SHROOM3: variants seen among roughly 807,000 people sequenced by gnomAD.
SHROOM3 encodes shroom family member 3, also known as protein Shroom3.
In SHROOM3, 47 loss-of-function variants were observed where a neutral mutation model predicts 138.6. The observed-to-expected ratio is 0.34, with a 90% CI of 0.27 to 0.43. The LOEUF (loss-of-function observed/expected upper bound fraction) is 0.43. Among genes scored for constraint, SHROOM3 ranks in the 20% least tolerant of loss-of-function variants. The pLI is 1.00. For missense variants in SHROOM3, 2,491 were observed against 2,596.5 expected (o/e 0.96, Z 0.88); for synonymous variants, 1,062 against 1,063.3 (o/e 1.00, Z 0.02).
intron 1 of SHROOM3, among the ~76,000 whole-genome samples, chr4:76,554,766 C>T (rs747374144): frequency 3.3e-5 from 5 of 152,042 alleles, no homozygotes; most frequent in Admixed American, 6.6e-5. Context: ...CCCCAGGCCA[C>T]GGACCATTAC....
At chr4:76,547,517 G>T (rs1669922252) in intron 1 of SHROOM3, among the ~76,000 whole-genome samples, 1 of 152,158 alleles carries the variant, frequency 6.6e-6, no homozygotes, top group Admixed American at 6.5e-5. Context: ...ACTGCTATGT[G>T]CTCCATGCTG....
intron 2 of SHROOM3, among the ~76,000 whole-genome samples, chr4:76,652,882 T>C (rs1292908523): frequency 6.6e-6 from 1 of 152,048 alleles, no homozygotes; most frequent in African/African-American, 2.4e-5. Flanking sequence ...GGTGAGCTAA[T>C]ATATGTTTAC....
intron 2 of SHROOM3, among the ~76,000 whole-genome samples, chr4:76,629,710 G>C (rs904919145): frequency 2.6e-5 from 4 of 152,194 alleles, no homozygotes; most frequent in Non-Finnish European, 4.4e-5. Context: ...TGTGGGGTGA[G>C]AGAAAGAGAG....
At chr4:76,765,373 C>T (rs1300882294) in intron 9 of SHROOM3, among the ~76,000 whole-genome samples, 4 of 151,390 alleles carry the variant, frequency 2.6e-5, no homozygotes, top group Non-Finnish European at 5.9e-5. Context: ...AAAAAATTAG[C>T]CAAGTGTGGT....
chr4:76,571,767 A>G (rs1277480543), intron 2 of SHROOM3, among the ~76,000 whole-genome samples: 1 of 152,208 alleles, frequency 6.6e-6, no homozygotes, highest in Non-Finnish European at 1.5e-5. Context: ...AGAATAGTTG[A>G]GACTTCCAAT....
chr4:76,463,469 C>G (rs536145256), intron 1 of SHROOM3, among the ~76,000 whole-genome samples: 1 of 152,158 alleles, frequency 6.6e-6, no homozygotes, highest in Non-Finnish European at 1.5e-5. Flanking sequence ...AAATTTGCAA[C>G]CTGATCATGT....
At position 76,759,408 on chromosome 4, in the gene SHROOM3, A is replaced by G. The variant is rs1578025984; in HGVS notation, c.5199-137A>G. ...ACATAGTAATCACTCATTAGTTAAC[A>G]GTTACTAGTTTATCCTAATTTCTGG... On this transcript the variant is annotated intron_variant, in intron 8 of 10. Coordinates refer to ENST00000296043, the MANE Select transcript of SHROOM3 (RefSeq NM_020859.4). The G allele has an allele frequency of 4.3e-6, 5 of 1,170,304 alleles. No homozygotes were observed. The East Asian group carries it at 1.2e-4, about 29-fold the overall frequency. 72.5% of individuals were successfully genotyped at this position (1,170,304 alleles called of 1,614,324 possible).
intron 2 of SHROOM3, among the ~76,000 whole-genome samples, chr4:76,580,482 C>T (rs534123731): frequency 1.8e-5 from 2 of 112,436 alleles, no homozygotes; most frequent in African/African-American, 6.9e-5. Context: ...GATGGAGTTT[C>T]GCTCTTGTTG....
rs10648549 is a variant in SHROOM3 at position 76,693,370 on chromosome 4, G to GTTTTTTTT, written c.324-16770_324-16763dup. Among the ~76,000 whole-genome samples, 688 of 79,554 alleles carry GTTTTTTTT rather than the reference G, an allele frequency of 8.6e-3. 55 individuals are homozygous for GTTTTTTTT. Among genetic ancestry groups the GTTTTTTTT allele is most frequent in the East Asian group, 0.046 (109 of 2,352 alleles). 52.2% of individuals were successfully genotyped at this position (79,554 alleles called of 152,430 possible). A position where few individuals can be genotyped will look rare whatever the true frequency, so the allele number is the denominator to read the frequency against. ...TGCATACCTTCATTTTGATAAGTTT[G>GTTTTTTTT]TTTTTTTTTTTTTTTTTTTTTTTAA... On this transcript the variant is annotated intron_variant, in intron 2 of 10. Coordinates refer to ENST00000296043, the MANE Select transcript of SHROOM3 (RefSeq NM_020859.4).
intron 2 of SHROOM3, among the ~76,000 whole-genome samples, chr4:76,660,283 C>T (rs1043398007): frequency 6.6e-6 from 1 of 152,116 alleles, no homozygotes; most frequent in African/African-American, 2.4e-5. Context: ...ATTTGAGGTC[C>T]TCTCTAGAGG....
At chr4:76,667,786 C>G (rs552772176) in intron 2 of SHROOM3, among the ~76,000 whole-genome samples, 16 of 150,494 alleles carry the variant, frequency 1.1e-4, no homozygotes, top group Admixed American at 4.0e-4. Context: ...GGCCAACACG[C>G]TGAAACCCCG....
intron 2 of SHROOM3, among the ~76,000 whole-genome samples, chr4:76,655,468 C>T (rs1736045235): frequency 6.6e-6 from 1 of 152,156 alleles, no homozygotes; most frequent in South Asian, 2.1e-4. Context: ...GTGACCACGA[C>T]CAAGAAAGAC....
chr4:76,484,947 CA>C (rs1388180867), intron 1 of SHROOM3, among the ~76,000 whole-genome samples: 2 of 152,150 alleles, frequency 1.3e-5, no homozygotes, highest in African/African-American at 4.8e-5. Context: ...CTCTGCCCAC[CA>C]AAATATAACC....
At chr4:76,527,018 C>T (rs959244913) in intron 1 of SHROOM3, among the ~76,000 whole-genome samples, 4 of 152,156 alleles carry the variant, frequency 2.6e-5, no homozygotes, top group South Asian at 2.1e-4. Flanking sequence ...GCCACCCGAT[C>T]GGAGGCAGAG....
At chr4:76,534,041 A>T (rs1732888045) in intron 1 of SHROOM3, among the ~76,000 whole-genome samples, 1 of 152,206 alleles carries the variant, frequency 6.6e-6, no homozygotes, top group African/African-American at 2.4e-5. Flanking sequence ...AGTCTATGGC[A>T]TGAAATTCAG....
chr4:76,487,797 C>T (rs1731762936), intron 1 of SHROOM3, among the ~76,000 whole-genome samples: 1 of 152,182 alleles, frequency 6.6e-6, no homozygotes, highest in Non-Finnish European at 1.5e-5. Context: ...TCCCTGTTTT[C>T]ATTAGTCAAC....
At chr4:76,650,177 T>G (rs1246266785) in intron 2 of SHROOM3, among the ~76,000 whole-genome samples, 1 of 152,182 alleles carries the variant, frequency 6.6e-6, no homozygotes, top group Non-Finnish European at 1.5e-5. Context: ...AAGTTAGGGC[T>G]TCAACATGAG....
intron 3 of SHROOM3, 79 bp downstream of exon 3, chr4:76,710,366 G>T: frequency 6.4e-7 from 1 of 1,565,412 alleles, no homozygotes; most frequent in Admixed American, 1.8e-5. Flanking sequence ...TGGGAGAGGA[G>T]TCGGGGGCAA....
At chr4:76,552,042 T>C (rs1261320851) in intron 1 of SHROOM3, among the ~76,000 whole-genome samples, 2 of 146,596 alleles carry the variant, frequency 1.4e-5, no homozygotes, top group African/African-American at 2.5e-5. Context: ...TTTGTATCTT[T>C]AGTAGAGACG....
Sources: allele counts gnomAD v4.1 joint callset (sites outside exome capture counted in the v4.1 genomes callset), GRCh38; gene constraint gnomAD v4.1.1; transcripts MANE v1.5; gene names NCBI Gene and HGNC (gene_info 2026-07-23, HGNC 2026-07-21).